MORC3: variants seen among roughly 807,000 people sequenced by gnomAD.
MORC3 encodes MORC family CW-type zinc finger 3.
A neutral mutation model predicts 109.1 loss-of-function variants in MORC3; 31 were observed. The ratio of observed to expected loss-of-function variants is 0.28; its 90% CI spans 0.21 to 0.38. The LOEUF (loss-of-function observed/expected upper bound fraction) is 0.38, where lower values mean the gene tolerates loss of function less well. MORC3 is among the 10% of genes least tolerant of loss of function. The pLI is 1.00. For missense variants in MORC3, 867 were observed against 1,135.8 expected, an observed-to-expected ratio of 0.76 and a Z score of 3.40; for synonymous variants, 395 against 380.7, an observed-to-expected ratio of 1.04 and a Z score of -0.44.
intron 15 of MORC3, among the ~76,000 whole-genome samples, chr21:36,370,088 C>T (rs1247506734): frequency 3.3e-5 from 5 of 152,024 alleles, no homozygotes; most frequent in African/African-American, 1.2e-4. Context: ...AAAAATTAGC[C>T]TAGCGTGGTG....
At chr21:36,324,852 C>T (rs911351946) in intron 1 of MORC3, among the ~76,000 whole-genome samples, 5 of 152,014 alleles carry the variant, frequency 3.3e-5, no homozygotes, top group Non-Finnish European at 4.4e-5. Context: ...GGATTACAGG[C>T]ATGCGCCACC....
intron 5 of MORC3, 36 bp from the exon 6 acceptor site, chr21:36,341,363 T>C (rs763479782): frequency 6.3e-7 from 1 of 1,575,288 alleles, no homozygotes; most frequent in East Asian, 2.2e-5. Context: ...TGCTGTGAAG[T>C]TAAATTTTGG....
intron 15 of MORC3, 23 bp downstream of exon 15, chr21:36,369,899 T>C (rs2085834853): frequency 6.2e-7 from 1 of 1,600,870 alleles, no homozygotes. Flanking sequence ...ATCCAACATG[T>C]AGTCATGGAG....
intron 9 of MORC3, among the ~76,000 whole-genome samples, chr21:36,351,563 T>C (rs1305035654): frequency 6.6e-6 from 1 of 151,738 alleles, no homozygotes; most frequent in East Asian, 1.9e-4. Flanking sequence ...CTTCACTTAA[T>C]GTAATGTCCT....
chr21:36,332,634 A>C (rs1202665047), intron 1 of MORC3, among the ~76,000 whole-genome samples: 1 of 152,102 alleles, frequency 6.6e-6, no homozygotes, highest in Non-Finnish European at 1.5e-5. Flanking sequence ...GTTGACTGAG[A>C]CTCAGCTGTT....
chr21:36,355,191 C>A (rs1330834408), intron 9 of MORC3, among the ~76,000 whole-genome samples: 1 of 152,146 alleles, frequency 6.6e-6, no homozygotes, highest in Non-Finnish European at 1.5e-5. Flanking sequence ...GGTCTTATGA[C>A]CCTCCTTGTT....
chr21:36,327,118 T>C (rs2085256097), intron 1 of MORC3, among the ~76,000 whole-genome samples: 1 of 146,470 alleles, frequency 6.8e-6, no homozygotes, highest in South Asian at 2.3e-4. Flanking sequence ...GCGCCTGGCC[T>C]CAAATTTAAA....
chr21:36,337,135 T>A, intron 3 of MORC3, 129 bp downstream of exon 3: 1 of 1,081,356 alleles, frequency 9.2e-7, no homozygotes, highest in Non-Finnish European at 1.3e-6. Flanking sequence ...AGCTGTTCTC[T>A]AAGCATGATT....
intron 10 of MORC3, among the ~76,000 whole-genome samples, chr21:36,358,334 G>A (rs562662871): frequency 2.2e-3 from 329 of 152,070 alleles, no homozygotes; most frequent in African/African-American, 7.3e-3. Flanking sequence ...GCAATGAACC[G>A]AGATTGCACC....
chr21:36,362,850 G>A (rs1260125140), intron 13 of MORC3, among the ~76,000 whole-genome samples: 1 of 152,036 alleles, frequency 6.6e-6, no homozygotes, highest in African/African-American at 2.4e-5. Flanking sequence ...CATTCAAACT[G>A]TTAGTTTGAT....
chr21:36,333,095 T>G (rs10854376), intron 1 of MORC3, among the ~76,000 whole-genome samples: 111,179 of 152,144 alleles, frequency 0.73, 41,722 homozygotes, highest in East Asian at 1. Flanking sequence ...CCAACAATTG[T>G]AACTCTTATT....
Position 36,369,813 on chromosome 21 carries a change from G to C in MORC3, c.2445G>C (p.Gln815His). The C allele has an allele frequency of 6.2e-7, 1 of 1,614,140 alleles. No individual in the cohort carries two copies. Among genetic ancestry groups the C allele is most frequent in the Non-Finnish European group, 8.5e-7 (1 of 1,180,056 alleles). Residue 815 changes from glutamine (Q) to histidine (H), a missense_variant, in exon 15 of 17, where the codon CAG becomes CAC. Gln to His is a conservative substitution (Grantham distance 24). Transcript: ENST00000400485. ...SKSEMDEMAV[Q>H]LDDVFRQLDK... is the part of the protein sequence containing the mutation. Reference sequence around the variant, plus strand: ...GTGAAATGGATGAGATGGCTGTGCAGCTTGACGATGTGTTTAGACAACTGG... The same window carrying C: ...GTGAAATGGATGAGATGGCTGTGCACCTTGACGATGTGTTTAGACAACTGG...
intron 1 of MORC3, among the ~76,000 whole-genome samples, chr21:36,325,956 C>A (rs998127410): frequency 2.6e-5 from 4 of 152,148 alleles, no homozygotes; most frequent in Non-Finnish European, 5.9e-5. Flanking sequence ...GCTCACGCCT[C>A]AGCACTTTGG....
At chr21:36,320,405 G>GGCGGCGGGGGCT (rs1245236643) in intron 1 of MORC3, 102 bp downstream of exon 1, 3 of 1,135,860 alleles carry the variant, frequency 2.6e-6, no homozygotes, top group Non-Finnish European at 3.3e-6. Flanking sequence ...GGGCCGACGC[G>GGCGGCGGGGGCT]GCGGCGGGGG....
chr21:36,342,798 C>A (rs1440922485), intron 6 of MORC3, among the ~76,000 whole-genome samples: 1 of 151,790 alleles, frequency 6.6e-6, no homozygotes, highest in Non-Finnish European at 1.5e-5. Flanking sequence ...ACGGGTGGAT[C>A]ACCTGAGGTC....
At chr21:36,356,392 C>T (rs988180095) in intron 9 of MORC3, among the ~76,000 whole-genome samples, 3 of 151,682 alleles carry the variant, frequency 2.0e-5, no homozygotes, top group African/African-American at 7.3e-5. Context: ...AAGTTTTTTT[C>T]AAATTGTTAT....
chr21:36,321,905 T>A (rs1239325012), intron 1 of MORC3, among the ~76,000 whole-genome samples: 3 of 152,180 alleles, frequency 2.0e-5, no homozygotes, highest in African/African-American at 7.2e-5. Flanking sequence ...GCAGAGATAA[T>A]GGTCAGTGTT....
At chr21:36,364,674 T>C (rs2085758519) in intron 14 of MORC3, among the ~76,000 whole-genome samples, 1 of 151,698 alleles carries the variant, frequency 6.6e-6, no homozygotes, top group East Asian at 1.9e-4. Flanking sequence ...ATTGTATTCA[T>C]TGTAGAGTTT....
At chr21:36,367,934 T>A (rs957244179) in intron 14 of MORC3, among the ~76,000 whole-genome samples, 1 of 152,182 alleles carries the variant, frequency 6.6e-6, no homozygotes, top group Non-Finnish European at 1.5e-5. Flanking sequence ...GAAATAAAGA[T>A]GTTTTCATCA....
Sources: allele counts gnomAD v4.1 joint callset (sites outside exome capture counted in the v4.1 genomes callset), GRCh38; gene constraint gnomAD v4.1.1; transcripts MANE v1.5; gene names NCBI Gene and HGNC (gene_info 2026-07-23, HGNC 2026-07-21).